The following USP13 variants were observed in gnomAD, a reference collection of about 807,000 sequenced individuals.
USP13 encodes the protein ubiquitin specific peptidase 13.
Under a neutral mutation model 107.8 loss-of-function variants are expected in USP13, and 68 were observed. That is an observed-to-expected ratio of 0.63 (90% CI 0.52 to 0.77). The LOEUF is 0.77. USP13 is among the 30% of genes least tolerant of loss of function. The probability of loss-of-function intolerance (pLI) is 0.00; values close to 1 mark genes in which losing one functional copy is unlikely to be tolerated. For missense variants in USP13, 945 were observed against 1,093.3 expected (o/e 0.86, Z 1.91); for synonymous variants, 377 against 389.5 (o/e 0.97, Z 0.38).
chr3:179,766,407 C>T (rs1715177060), intron 19 of USP13, among the ~76,000 whole-genome samples: 1 of 152,200 alleles, frequency 6.6e-6, no homozygotes, highest in Non-Finnish European at 1.5e-5. Context: ...TTGATTTTGT[C>T]TGTTCCTTTG....
At chr3:179,744,370 TTTCTGCCTTTGGTTATTTTA>T in intron 12 of USP13, among the ~76,000 whole-genome samples, 1 of 152,158 alleles carries the variant, frequency 6.6e-6, no homozygotes, top group African/African-American at 2.4e-5. Context: ...GTTTTGTTTT[TTTCTGCCTTTGGTTATTTTA>T]TTTTAAAACA....
chr3:179,704,779 T>C (rs1255052305), intron 4 of USP13, among the ~76,000 whole-genome samples: 1 of 152,218 alleles, frequency 6.6e-6, no homozygotes, highest in Non-Finnish European at 1.5e-5. Flanking sequence ...TTTGAAAGGC[T>C]TAACTATATT....
chr3:179,750,136 G>A (rs1714542934), intron 13 of USP13, among the ~76,000 whole-genome samples: 2 of 151,372 alleles, frequency 1.3e-5, no homozygotes, highest in Admixed American at 1.3e-4. Flanking sequence ...ATGGTGGCAG[G>A]CACCTGTAAT....
chr3:179,701,486 A>G (rs1452220090), intron 4 of USP13, among the ~76,000 whole-genome samples: 3 of 152,118 alleles, frequency 2.0e-5, no homozygotes, highest in Middle Eastern at 3.2e-3. Flanking sequence ...ACTGCTGGAG[A>G]GGGACTCTTT....
intron 6 of USP13, among the ~76,000 whole-genome samples, chr3:179,718,696 A>C (rs4855108): frequency 6.6e-6 from 1 of 152,050 alleles, no homozygotes; most frequent in Non-Finnish European, 1.5e-5. Flanking sequence ...GTGCACCTGA[A>C]GATCTCGTTA....
chr3:179,768,070 AACAG>A (rs1263640905), intron 19 of USP13, among the ~76,000 whole-genome samples: 5 of 152,240 alleles, frequency 3.3e-5, no homozygotes, highest in East Asian at 3.8e-4. Context: ...TTAAAGCTGT[AACAG>A]ACAGGTTACT....
At chr3:179,730,526 G>A (rs1052832242) in intron 9 of USP13, 90 bp from the exon 10 acceptor site, 29 of 1,099,842 alleles carry the variant, frequency 2.6e-5, no homozygotes, top group Non-Finnish European at 3.2e-5. Context: ...CCTAACAGCA[G>A]TTGTACTTAT....
chr3:179,691,113 G>T (rs1013767298), intron 3 of USP13, among the ~76,000 whole-genome samples: 2 of 150,924 alleles, frequency 1.3e-5, no homozygotes, highest in Non-Finnish European at 2.9e-5. Flanking sequence ...AGGCTGTAGT[G>T]AGCTATGATT....
At chr3:179,693,994 C>T (rs1021348995) in intron 3 of USP13, among the ~76,000 whole-genome samples, 5 of 151,072 alleles carry the variant, frequency 3.3e-5, no homozygotes, top group African/African-American at 1.2e-4. Flanking sequence ...ATTTTTGAGA[C>T]AGCATCTCAC....
At chr3:179,703,848 T>C (rs1280272492) in intron 4 of USP13, among the ~76,000 whole-genome samples, 1 of 152,216 alleles carries the variant, frequency 6.6e-6, no homozygotes, top group Non-Finnish European at 1.5e-5. Context: ...ATGTCACCTT[T>C]TGAAAACATT....
rs150795566 is a variant in USP13 at position 179,667,110 on chromosome 3, A to G, written c.168+13717A>G. Among the ~76,000 whole-genome samples the G allele has an allele frequency of 2.0e-5, 3 of 152,306 alleles. No homozygotes were observed. The East Asian group carries it at 5.8e-4, about 29-fold the overall frequency. ...AAGCTAGTGGATCTGTAGCAGAGGT[A>G]CTTGCCCTTTTATCAGTGGTTTAGT... On this transcript the variant is annotated intron_variant, in intron 1 of 20. Coordinates refer to ENST00000263966, the MANE Select transcript of USP13 (RefSeq NM_003940.3).
chr3:179,737,569 G>A (rs1168079563), intron 10 of USP13, among the ~76,000 whole-genome samples: 1 of 152,158 alleles, frequency 6.6e-6, no homozygotes. Flanking sequence ...GGTTTCAGGA[G>A]GTGTATATAC....
Position 179,653,675 on chromosome 3 carries a change from G to T in USP13, c.168+282G>T. On this transcript the variant is annotated intron_variant, in intron 1 of 20. Transcript: ENST00000263966. The surrounding 1 kb of genome is among the most constrained non-coding windows in gnomAD (Gnocchi z 4.0). ...GCCCCGCCGCCGTTTAAAGATAGAT[G>T]AAATACAAGAGTTCCCTGTTCCGAA... 2.4e-6 allele frequency: 1 copy of T among 422,594 alleles called. No individual in the cohort carries two copies. Among genetic ancestry groups the T allele is most frequent in the South Asian group, 2.9e-5 (1 of 34,204 alleles). 26.2% of individuals were successfully genotyped at this position (422,594 alleles called of 1,614,324 possible).
chr3:179,681,807 C>CT (rs557658254), intron 1 of USP13, 71 bp from the exon 2 acceptor site: 30 of 1,528,810 alleles, frequency 2.0e-5, no homozygotes, highest in Non-Finnish European at 2.4e-5. Context: ...CCTTCCTTCC[C>CT]TTTCCCTCTT....
intron 19 of USP13, among the ~76,000 whole-genome samples, chr3:179,766,669 A>G (rs951079047): frequency 2.6e-5 from 4 of 152,252 alleles, no homozygotes; most frequent in African/African-American, 7.2e-5. Context: ...AGCACTTTGC[A>G]TATCAACACT....
intron 1 of USP13, among the ~76,000 whole-genome samples, chr3:179,658,374 CTG>C (rs1478888071): frequency 5.9e-5 from 9 of 152,326 alleles, no homozygotes; most frequent in African/African-American, 2.2e-4. Flanking sequence ...TACGTAGAGT[CTG>C]TGTCATGCCG....
chr3:179,727,165 T>G (rs928565912), intron 8 of USP13, among the ~76,000 whole-genome samples: 4 of 71,494 alleles, frequency 5.6e-5, no homozygotes, highest in Admixed American at 1.6e-4. Context: ...TTTTTAATGT[T>G]TTTTTTTTTT....
chr3:179,696,277 A>G (rs1712320864), intron 3 of USP13, among the ~76,000 whole-genome samples: 1 of 150,738 alleles, frequency 6.6e-6, no homozygotes, highest in Non-Finnish European at 1.5e-5. Flanking sequence ...GAACATAAAT[A>G]CTTAACCAAG....
intron 3 of USP13, among the ~76,000 whole-genome samples, chr3:179,692,587 G>A (rs1712150751): frequency 6.6e-6 from 1 of 152,186 alleles, no homozygotes; most frequent in Non-Finnish European, 1.5e-5. Flanking sequence ...TAGTCTTCCA[G>A]CACCTTTGCA....
Sources: allele counts gnomAD v4.1 joint callset (sites outside exome capture counted in the v4.1 genomes callset), GRCh38; gene constraint gnomAD v4.1.1; non-coding constraint Gnocchi (gnomAD v3.1); transcripts MANE v1.5; gene names NCBI Gene and HGNC (gene_info 2026-07-23, HGNC 2026-07-21).